Variants in ALK observed in about 807,000 individuals in gnomAD.
ALK encodes the protein ALK tyrosine kinase receptor.
Under a neutral mutation model 163.1 loss-of-function variants are expected in ALK, and 74 were observed. The ratio of observed to expected loss-of-function variants is 0.45; its 90% CI spans 0.38 to 0.55. ALK has a LOEUF of 0.55. Ranked by LOEUF, ALK falls within the 20% of genes least tolerant of loss-of-function variation. ALK has a pLI of 0.00. For synonymous variants in ALK, 960 were observed against 843.2 expected (o/e 1.14, Z -2.40); for missense variants, 2,063 against 2,105.3 (o/e 0.98, Z 0.39).
chr2:29,269,801 TC>T (rs149023613), intron 11 of ALK, among the ~76,000 whole-genome samples: 2 of 150,700 alleles, frequency 1.3e-5, no homozygotes, highest in East Asian at 1.9e-4. Context: ...TAATGAACAG[TC>T]CCCCCCCAGC....
intron 4 of ALK, among the ~76,000 whole-genome samples, chr2:29,523,349 C>A (rs1454451534): frequency 2.0e-5 from 3 of 152,192 alleles, no homozygotes; most frequent in Non-Finnish European, 4.4e-5. Flanking sequence ...CCATTACACC[C>A]CTTTCCTTAT....
At chr2:29,510,498 C>G (rs899719244) in intron 4 of ALK, among the ~76,000 whole-genome samples, 2 of 152,064 alleles carry the variant, frequency 1.3e-5, no homozygotes, top group South Asian at 2.1e-4. Flanking sequence ...TTTCCTTGAG[C>G]CTTAGTTTTA....
intron 4 of ALK, among the ~76,000 whole-genome samples, chr2:29,494,349 CAG>C (rs1472901781): frequency 1.3e-5 from 2 of 152,148 alleles, no homozygotes; most frequent in Non-Finnish European, 2.9e-5. Flanking sequence ...AAAAATGAAA[CAG>C]GAGCTGCGGG....
chr2:29,515,580 G>C (rs1417880823), intron 4 of ALK, among the ~76,000 whole-genome samples: 1 of 152,082 alleles, frequency 6.6e-6, no homozygotes, highest in Admixed American at 6.6e-5. Context: ...GGGATAGGGG[G>C]AGGCATAATG....
chr2:29,515,800 T>C (rs1672645215), intron 4 of ALK, among the ~76,000 whole-genome samples: 1 of 152,208 alleles, frequency 6.6e-6, no homozygotes, highest in African/African-American at 2.4e-5. Context: ...TGTAACTAAA[T>C]TCTTATCACA....
rs34829159 is a variant in ALK at position 29,251,199 on chromosome 2, C to T, written c.2110G>A (p.Ala704Thr). The change falls in exon 12 of 29, where the codon GCC becomes ACC. Residue 704 changes from alanine (A) to threonine (T), a missense_variant. Coordinates refer to ENST00000389048, the MANE Select transcript of ALK (RefSeq NM_004304.5). ...ACGCTCAGGTTGGAGTTCTGGTAGGCGTTGTTGCACTGTGCCTGGGTGGGG... is the reference window on the plus strand; with the variant it reads ...ACGCTCAGGTTGGAGTTCTGGTAGGTGTTGTTGCACTGTGCCTGGGTGGGG... ...HGPTQAQCNN[A>T]YQNSNLSVEV... The T allele has an allele frequency of 1.1e-5, 18 of 1,614,018 alleles. No homozygotes were observed. Among genetic ancestry groups the T allele is most frequent in the African/African-American group, 2.7e-5 (2 of 74,940 alleles).
In ALK at chr2:29,424,340, C is replaced by A. The variant is rs1386751887; in HGVS notation, c.1155-40481G>T. Among the ~76,000 whole-genome samples, 3 of 152,258 alleles carry A rather than the reference C, an allele frequency of 2.0e-5. No homozygotes were observed. The East Asian group carries it at 5.8e-4, about 29-fold the overall frequency. Reference sequence around the variant, plus strand: ...CAAATTATGCAAAAATCAAGTAGCACAAAAGAATACTACTATAATCTGGCA... The same window carrying A: ...CAAATTATGCAAAAATCAAGTAGCAAAAAAGAATACTACTATAATCTGGCA... On this transcript the variant is annotated intron_variant, in intron 4 of 28. Transcript: ENST00000389048.
chr2:29,513,284 C>G (rs1394534241), intron 4 of ALK, among the ~76,000 whole-genome samples: 1 of 119,422 alleles, frequency 8.4e-6, no homozygotes, highest in East Asian at 3.3e-4. Flanking sequence ...CAGCATGGTA[C>G]TGGTACCAAA....
At chr2:29,794,097 T>C (rs1008651192) in intron 1 of ALK, among the ~76,000 whole-genome samples, 1 of 152,190 alleles carries the variant, frequency 6.6e-6, no homozygotes. Context: ...CCTTCATCAA[T>C]TATCTTAGGT....
chr2:29,251,606 A>G (rs1009408662), intron 11 of ALK, among the ~76,000 whole-genome samples: 2 of 152,132 alleles, frequency 1.3e-5, no homozygotes, highest in South Asian at 2.1e-4. Flanking sequence ...GCGCTAGGGG[A>G]GTTCCAGGAA....
At position 29,251,151 on chromosome 2, in the gene ALK, G is replaced by C. The variant is rs774579604; in HGVS notation, c.2158C>G (p.Leu720Val). ...ACCTTCCAGATCTGGATGCCTTTCA[G>C]GGGGCCCTCGCTCCCCACCTCCACG... ...LSVEVGSEGP[L>V]KGIQIWKVPA... is the part of the protein sequence containing the mutation. The change falls in exon 12 of 29, where the codon CTG becomes GTG. Residue 720 changes from leucine (L) to valine (V), a missense_variant. Around this residue, in one of 5 missense-constraint regions of ALK, gnomAD observed 987 missense variants for 939.5 expected, o/e 1.05. Coordinates refer to ENST00000389048, the MANE Select transcript of ALK (RefSeq NM_004304.5). The C allele has an allele frequency of 1.9e-6, 3 of 1,614,012 alleles. No individual in the cohort carries two copies. Among genetic ancestry groups the C allele is most frequent in the Admixed American group, 3.3e-5 (2 of 60,002 alleles).
chr2:29,285,539 G>T (rs1293572978), intron 9 of ALK, among the ~76,000 whole-genome samples: 1 of 146,392 alleles, frequency 6.8e-6, no homozygotes, highest in Non-Finnish European at 1.5e-5. Context: ...GTTTACAGGT[G>T]TGAGCCATGG....
At chr2:29,292,445 G>T (rs1230679013) in intron 9 of ALK, among the ~76,000 whole-genome samples, 2 of 152,208 alleles carry the variant, frequency 1.3e-5, no homozygotes, top group Non-Finnish European at 2.9e-5. Flanking sequence ...TCAGGAGAGA[G>T]AACTTGCCTT....
intron 1 of ALK, among the ~76,000 whole-genome samples, chr2:29,821,752 G>C (rs1198391943): frequency 6.6e-6 from 1 of 152,140 alleles, no homozygotes; most frequent in East Asian, 1.9e-4. Context: ...TCCCTCAGCT[G>C]TTCCCATTCC....
At chr2:29,574,338 G>C (rs1047879718) in intron 3 of ALK, among the ~76,000 whole-genome samples, 5 of 152,180 alleles carry the variant, frequency 3.3e-5, no homozygotes, top group Admixed American at 3.3e-4. Context: ...GAATAAGAAG[G>C]CTCTTTCTAA....
chr2:29,580,889 G>A (rs1172753687), intron 3 of ALK, among the ~76,000 whole-genome samples: 1 of 152,180 alleles, frequency 6.6e-6, no homozygotes, highest in Non-Finnish European at 1.5e-5. Flanking sequence ...TGCCCTTCCT[G>A]TTGTAGTTTC....
chr2:29,533,834 A>T (rs1673181295), intron 3 of ALK, among the ~76,000 whole-genome samples: 1 of 152,196 alleles, frequency 6.6e-6, no homozygotes, highest in Non-Finnish European at 1.5e-5. Flanking sequence ...TCATAAAGTC[A>T]GACACACATC....
intron 3 of ALK, among the ~76,000 whole-genome samples, chr2:29,663,396 T>C (rs1677410550): frequency 6.6e-6 from 1 of 152,050 alleles, no homozygotes; most frequent in African/African-American, 2.4e-5. Flanking sequence ...TGAAAGAAAA[T>C]TCTTGGTCCA....
chr2:29,311,908 C>G (rs924862397), intron 8 of ALK, among the ~76,000 whole-genome samples: 3 of 152,112 alleles, frequency 2.0e-5, no homozygotes, highest in African/African-American at 7.2e-5. Context: ...AGCAAAGGGA[C>G]TTTTGGCAGA....
Sources: allele counts gnomAD v4.1 joint callset (sites outside exome capture counted in the v4.1 genomes callset), GRCh38; gene constraint gnomAD v4.1.1; regional missense constraint gnomAD v4.1.1; transcripts MANE v1.5; gene names NCBI Gene and HGNC (gene_info 2026-07-23, HGNC 2026-07-21).